Variants in PRKN observed in about 807,000 individuals in gnomAD.
PRKN encodes parkin RBR E3 ubiquitin protein ligase.
In PRKN, 56 loss-of-function variants were observed where a neutral mutation model predicts 59.5. That is an observed-to-expected ratio of 0.94 (90% CI 0.76 to 1.18). The LOEUF is 1.18. PRKN is among the 50% of genes most tolerant of loss of function. The pLI, the probability that PRKN is intolerant of heterozygous loss-of-function variation, is 0.00. For missense variants in PRKN, 657 were observed against 596.4 expected, an observed-to-expected ratio of 1.10 and a Z score of -1.06; for synonymous variants, 250 against 222.1, an observed-to-expected ratio of 1.13 and a Z score of -1.12.
chr6:162,640,577 A>G (rs1249033766), intron 1 of PRKN, among the ~76,000 whole-genome samples: 1 of 152,204 alleles, frequency 6.6e-6, no homozygotes, highest in Non-Finnish European at 1.5e-5. Context: ...CAACATATCT[A>G]AACAAATAAC....
chr6:161,938,858 C>T (rs188386553), intron 6 of PRKN, among the ~76,000 whole-genome samples: 2 of 152,276 alleles, frequency 1.3e-5, no homozygotes, highest in African/African-American at 2.4e-5. Flanking sequence ...TTGTCAGATA[C>T]GTTTCAGCAT....
At chr6:161,966,000 T>A (rs913054509) in intron 6 of PRKN, among the ~76,000 whole-genome samples, 1 of 152,202 alleles carries the variant, frequency 6.6e-6, no homozygotes, top group Admixed American at 6.5e-5. Context: ...CTAGCTATGT[T>A]ATCTAGATAG....
intron 7 of PRKN, among the ~76,000 whole-genome samples, chr6:161,744,925 C>T (rs1395508133): frequency 6.6e-6 from 1 of 152,164 alleles, no homozygotes; most frequent in South Asian, 2.1e-4. Context: ...TCGAAGCACT[C>T]AATTGTCTTA....
At chr6:162,671,325 C>T (rs1015033964) in intron 1 of PRKN, among the ~76,000 whole-genome samples, 2 of 151,980 alleles carry the variant, frequency 1.3e-5, no homozygotes, top group African/African-American at 2.4e-5. Flanking sequence ...ATGGTGAAAC[C>T]TCGTCTCTAC....
chr6:162,274,364 ATG>A (rs1780523947), intron 2 of PRKN, among the ~76,000 whole-genome samples: 1 of 151,814 alleles, frequency 6.6e-6, no homozygotes. Flanking sequence ...TTTTTTGTAT[ATG>A]CCATACAGAC....
intron 6 of PRKN, among the ~76,000 whole-genome samples, chr6:161,800,320 T>A (rs2128210412): frequency 6.6e-6 from 1 of 152,248 alleles, no homozygotes; most frequent in Admixed American, 6.5e-5. Flanking sequence ...ATTTGCAGAT[T>A]TCTCGCTTTT....
At chr6:162,577,354 C>T (rs1444235296) in intron 1 of PRKN, among the ~76,000 whole-genome samples, 2 of 151,656 alleles carry the variant, frequency 1.3e-5, no homozygotes, top group Non-Finnish European at 2.9e-5. Flanking sequence ...AATCCCAGCA[C>T]TTTGGGAGGC....
rs549880922 is a variant in PRKN at position 162,567,906 on chromosome 6, A to AT, written c.8-124434dup. ...GTAAGCAAAACAGCATGGTACTGGC[A>AT]TAAAAACAGACACACAGAGCAATGA... is the stretch of plus-strand genomic sequence containing the variant. On this transcript the variant is annotated intron_variant, in intron 1 of 11. Transcript: ENST00000366898. 9.2e-5 allele frequency among the ~76,000 whole-genome samples: 14 copies of AT among 152,356 alleles called. No homozygotes were observed. In the South Asian group the frequency reaches 2.9e-3, roughly 32 times the overall value.
chr6:162,479,934 G>A lies in PRKN; in HGVS notation c.8-36461C>T, dbSNP rs372258876. Among the ~76,000 whole-genome samples, 19 of 151,960 alleles carry A rather than the reference G, an allele frequency of 1.3e-4. 1 individual carries two copies. The highest frequency in any genetic ancestry group is 3.4e-3 in the Middle Eastern group (1 of 294). On this transcript the variant is annotated intron_variant, in intron 1 of 11. Coordinates refer to ENST00000366898, the MANE Select transcript of PRKN (RefSeq NM_004562.3). ...ACAAAAATTCGCTGGGCGTGGTGGC[G>A]CATGCCTGTAATCTCAGCTACTTGG...
intron 4 of PRKN, among the ~76,000 whole-genome samples, chr6:162,106,698 A>G (rs1780206883): frequency 6.6e-6 from 1 of 152,228 alleles, no homozygotes; most frequent in Admixed American, 6.5e-5. Context: ...CACGGAAAGG[A>G]AAACCATTCA....
At chr6:161,543,781 G>A (rs1779700676) in intron 9 of PRKN, among the ~76,000 whole-genome samples, 1 of 152,122 alleles carries the variant, frequency 6.6e-6, no homozygotes, top group Non-Finnish European at 1.5e-5. Flanking sequence ...AGATAAAGAT[G>A]TTTTATTTAT....
chr6:161,929,864 C>G (rs902484476), intron 6 of PRKN, among the ~76,000 whole-genome samples: 5 of 152,088 alleles, frequency 3.3e-5, no homozygotes, highest in Non-Finnish European at 7.4e-5. Flanking sequence ...TTATGAAGCC[C>G]AAGAATAATG....
chr6:162,648,727 T>G (rs1010243406), intron 1 of PRKN, among the ~76,000 whole-genome samples: 2 of 152,158 alleles, frequency 1.3e-5, no homozygotes, highest in Non-Finnish European at 2.9e-5. Flanking sequence ...GTGAGTAAGC[T>G]CCTTTTACCA....
At chr6:162,218,390 T>G (rs1049277174) in intron 3 of PRKN, among the ~76,000 whole-genome samples, 1 of 151,978 alleles carries the variant, frequency 6.6e-6, no homozygotes, top group Non-Finnish European at 1.5e-5. Flanking sequence ...CCCAGCACTG[T>G]GTAGTACATG....
chr6:161,958,079 T>A (rs1447771716), intron 6 of PRKN, among the ~76,000 whole-genome samples: 3 of 152,196 alleles, frequency 2.0e-5, no homozygotes, highest in Non-Finnish European at 4.4e-5. Flanking sequence ...AAAATGCAAT[T>A]CCACATCCCA....
Position 161,778,309 on chromosome 6 carries a change from C to T in PRKN, c.871+7463G>A, listed in dbSNP as rs570065069. ...TTTACCAATAAATCTACCCCATTTG[C>T]AGCTTCATTCACACTCCTAAGTTCA... is the stretch of plus-strand genomic sequence containing the variant. On this transcript the variant is annotated intron_variant, in intron 7 of 11. Transcript: ENST00000366898. 1.1e-4 allele frequency among the ~76,000 whole-genome samples: 17 copies of T among 152,250 alleles called. 1 individual carries two copies. In the South Asian group the frequency reaches 3.1e-3, roughly 28 times the overall value.
At chr6:162,312,208 C>T (rs937999610) in intron 2 of PRKN, among the ~76,000 whole-genome samples, 4 of 152,070 alleles carry the variant, frequency 2.6e-5, no homozygotes, top group African/African-American at 9.7e-5. Context: ...TACCTTTATC[C>T]CACCCCTCTG....
intron 6 of PRKN, among the ~76,000 whole-genome samples, chr6:161,831,774 A>C (rs755279309): frequency 6.7e-6 from 1 of 149,058 alleles, no homozygotes; most frequent in African/African-American, 2.5e-5. Flanking sequence ...TCCAGAAAAA[A>C]TAAGAGGTTC....
In PRKN at chr6:161,581,457, T is replaced by C. The variant is rs1267443667; in HGVS notation, c.872-12041A>G. ...AAGTACATAAGCAAAAGGAGTTTTT[T>C]TGAGAAGTGTTGAGAGAGAAGAGGC... On this transcript the variant is annotated intron_variant, in intron 7 of 11. Coordinates refer to ENST00000366898, the MANE Select transcript of PRKN (RefSeq NM_004562.3). This position sits in a 1 kb window ranked among gnomAD's most constrained non-coding sequence, Gnocchi z 4.5. Among the ~76,000 whole-genome samples the C allele has an allele frequency of 6.6e-6, 1 of 152,144 alleles. No homozygotes were observed.
Sources: gnomAD v4.1 joint callset for allele counts (sites outside exome capture counted in the v4.1 genomes callset) on GRCh38, gnomAD v4.1.1 for gene constraint, Gnocchi (gnomAD v3.1) non-coding constraint, MANE v1.5 for transcripts, NCBI Gene and HGNC (gene_info 2026-07-23, HGNC 2026-07-21) for gene names.